Variants in RTL1 observed in about 807,000 individuals in gnomAD.
RTL1 encodes the protein retrotransposon-like protein 1.
For synonymous variants in RTL1, 727 were observed against 748.4 expected, an observed-to-expected ratio of 0.97 and a Z score of 0.47; for missense variants, 1,681 against 1,767.5, an observed-to-expected ratio of 0.95 and a Z score of 0.88.
chr14:100,884,018 C>T lies in RTL1; in HGVS notation c.771G>A (p.Leu257=). ...CTCCGATCAGGGGGCTGTTTTCCTG[C>T]AGTAGAGCTTTGGCCCATTCTAATG... ...GLALEWAKAL[L]QENSPLIGDF... The change falls in exon 4 of 4, where the codon CTG becomes CTA. Residue 257 remains leucine, a synonymous_variant. Coordinates refer to ENST00000649591, the MANE Select transcript of RTL1 (RefSeq NM_001134888.3). The T allele has an allele frequency of 6.4e-7, 1 of 1,551,744 alleles. No homozygotes were observed. The highest frequency in any genetic ancestry group is 8.7e-7 in the Non-Finnish European group (1 of 1,147,006).
At position 100,882,064 on chromosome 14, in the gene RTL1, T is replaced by C. The variant is rs764276895; in HGVS notation, c.2725A>G (p.Asn909Asp). 3 of 1,608,618 alleles carry C rather than the reference T, an allele frequency of 1.9e-6. No homozygotes were observed. Among genetic ancestry groups the C allele is most frequent in the Admixed American group, 3.4e-5 (2 of 58,886 alleles). ...TACTCAACCTCGATAGGGGAGATGT[T>C]GCGGGAGTAGAAAGCGCAGCAGGCT... ...KRACCAFYSR[N>D]ISPIEVEYSQ... The change falls in exon 4 of 4, where the codon AAC (asparagine) becomes GAC (aspartate). Residue 909 changes from asparagine (N) to aspartate (D), a missense_variant. Transcript: ENST00000649591.
rs2038589226 is a variant in RTL1, at chr14:100,880,334, C to T, written c.*378G>A. Among the ~76,000 whole-genome samples the T allele has an allele frequency of 6.6e-6, 1 of 152,046 alleles. No homozygotes were observed. Among genetic ancestry groups the T allele is most frequent in the Admixed American group, 6.5e-5 (1 of 15,270 alleles). On this transcript the variant is annotated 3_prime_UTR_variant, in exon 4 of 4. Transcript: ENST00000649591. Reference sequence around the variant, plus strand: ...GCCATCACCAGGCCGGGTGGGGGGCCCCGTCACCTGCTTGCTTGGCTGCGC... The same window carrying T: ...GCCATCACCAGGCCGGGTGGGGGGCTCCGTCACCTGCTTGCTTGGCTGCGC...
chr14:100,888,587 A>C (rs2038725763), intron 3 of RTL1, among the ~76,000 whole-genome samples: 1 of 152,212 alleles, frequency 6.6e-6, no homozygotes, highest in Non-Finnish European at 1.5e-5. Flanking sequence ...AAAATCTTAC[A>C]GTGTCTCTTA....
chr14:100,885,539 T>C (rs369628161), intron 3 of RTL1, among the ~76,000 whole-genome samples: 46 of 145,494 alleles, frequency 3.2e-4, no homozygotes, highest in Admixed American at 4.8e-4. Context: ...TTTTTTTTTT[T>C]CCATAAATTT....
intron 3 of RTL1, among the ~76,000 whole-genome samples, chr14:100,890,857 C>T (rs780398019): frequency 2.6e-5 from 4 of 152,116 alleles, no homozygotes; most frequent in East Asian, 3.9e-4. Flanking sequence ...GAAGGCACAG[C>T]GTCACAGTGA....
rs367880949 is a variant in RTL1, at chr14:100,893,231, C to T, written c.-87+213G>A. Among the ~76,000 whole-genome samples, 13 of 152,338 alleles carry T rather than the reference C, an allele frequency of 8.5e-5. No homozygotes were observed. The highest frequency in any genetic ancestry group is 3.1e-4 in the African/African-American group (13 of 41,576). ...ATTTGGTGTTCGAGGAGGGACAGGA[C>T]AGCTGGCCCAGGACCTGCTAATTAT... is the stretch of plus-strand genomic sequence containing the variant. On this transcript the variant is annotated intron_variant, in intron 3 of 3. Transcript: ENST00000649591. The surrounding 1 kb of genome is among the most constrained non-coding windows in gnomAD (Gnocchi z 4.2).
intron 2 of RTL1, among the ~76,000 whole-genome samples, chr14:100,901,315 A>G (rs889969989): frequency 2.0e-5 from 3 of 152,228 alleles, no homozygotes; most frequent in Non-Finnish European, 2.9e-5. Flanking sequence ...ACATGCGCGC[A>G]CACACACATG....
chr14:100,888,276 C>T (rs1325497557), intron 3 of RTL1, among the ~76,000 whole-genome samples: 1 of 152,168 alleles, frequency 6.6e-6, no homozygotes, highest in Non-Finnish European at 1.5e-5. Context: ...TGTCTTATAG[C>T]TGTGCCAAAA....
intron 3 of RTL1, among the ~76,000 whole-genome samples, chr14:100,890,912 GATT>G (rs765144385): frequency 2.6e-5 from 4 of 152,104 alleles, no homozygotes; most frequent in African/African-American, 4.8e-5. Flanking sequence ...ATTATTTATC[GATT>G]ATTATTATTA....
chr14:100,881,144 A>G lies in RTL1; in HGVS notation c.3645T>C (p.Arg1215=). 1 of 1,554,168 alleles carries G rather than the reference A, an allele frequency of 6.4e-7. No homozygotes were observed. The change falls in exon 4 of 4, where the codon CGT becomes CGC. Residue 1215 remains arginine, a synonymous_variant. Coordinates refer to ENST00000649591, the MANE Select transcript of RTL1 (RefSeq NM_001134888.3). This position sits in a 1 kb window ranked among gnomAD's most constrained non-coding sequence, Gnocchi z 6.6. ...CGTGCAGCTCCAGGTAGCGGTTCTG[A>G]CGCAGGGCAGGGAGGTGGCCCTCCT... The part of the protein sequence containing the change: ...TPQEGHLPAL[R]QNRYLELHVV...
In RTL1 at chr14:100,890,013, T is replaced by C. The variant is rs562686479; in HGVS notation, c.-87+3431A>G. On this transcript the variant is annotated intron_variant, in intron 3 of 3. Transcript: ENST00000649591. Reference sequence around the variant, plus strand: ...AGCTGTGGCTCAATACATGTTGTTCTCAAATCTCATGACAGTTTCTTTAAG... The same window carrying C: ...AGCTGTGGCTCAATACATGTTGTTCCCAAATCTCATGACAGTTTCTTTAAG... 6.1e-5 allele frequency among the ~76,000 whole-genome samples: 9 copies of C among 148,044 alleles called. No homozygotes were observed. In the South Asian group the frequency reaches 1.1e-3, roughly 18 times the overall value.
chr14:100,880,976 G>A lies in RTL1; in HGVS notation c.3813C>T (p.His1271=), dbSNP rs2038599984. ...GGCGGGGTGGGTGGGTGGCTGCTGTGTGGCTGGGTGGGGCCTCCTGCACGT... is the reference window on the plus strand; with the variant it reads ...GGCGGGGTGGGTGGGTGGCTGCTGTATGGCTGGGTGGGGCCTCCTGCACGT... ...DNDVQEAPPS[H]TAATHPPRPR... is the part of the protein sequence containing the mutation. Residue 1271 remains histidine, a synonymous_variant, in exon 4 of 4, where the codon CAC becomes CAT. Coordinates refer to ENST00000649591, the MANE Select transcript of RTL1 (RefSeq NM_001134888.3). The A allele has an allele frequency of 1.3e-6, 2 of 1,558,420 alleles. No homozygotes were observed.
At chr14:100,903,079 A>C (rs1009721011) in intron 2 of RTL1, among the ~76,000 whole-genome samples, 12 of 152,212 alleles carry the variant, frequency 7.9e-5, no homozygotes, top group Non-Finnish European at 1.0e-4. Context: ...CCACATCTGC[A>C]TTTAATAGAC....
chr14:100,890,779 G>T (rs908333358), intron 3 of RTL1, among the ~76,000 whole-genome samples: 4 of 152,146 alleles, frequency 2.6e-5, no homozygotes, highest in African/African-American at 9.7e-5. Context: ...TAGGAGGGAA[G>T]TGGCCTCAAA....
intron 3 of RTL1, among the ~76,000 whole-genome samples, chr14:100,891,510 C>T (rs1238005097): frequency 6.6e-6 from 1 of 152,226 alleles, no homozygotes; most frequent in Non-Finnish European, 1.5e-5. Context: ...TGCTAAGCCA[C>T]TGAGGTGACA....
chr14:100,882,723 G>A lies in RTL1; in HGVS notation c.2066C>T (p.Ala689Val), dbSNP rs1382380526. Residue 689 changes from alanine to valine, a missense_variant, in exon 4 of 4, where the codon GCG becomes GTG. Physicochemically the swap from Ala to Val is moderately conservative, Grantham distance 64. Coordinates refer to ENST00000649591, the MANE Select transcript of RTL1 (RefSeq NM_001134888.3). ...CATCTCTTCAAGCTCCAAACCAAAC[G>A]CTGCTTTCCACACATCTTCGGTGCG... ...GHRTEDVWKAAFGLELEEMKS... is the reference protein window; with the variant it reads ...GHRTEDVWKAVFGLELEEMKS... 6.4e-7 allele frequency: 1 copy of A among 1,551,846 alleles called. No homozygotes were observed. The highest frequency in any genetic ancestry group is 1.4e-5 in the African/African-American group (1 of 73,032).
At chr14:100,889,115 C>A (rs1356389978) in intron 3 of RTL1, among the ~76,000 whole-genome samples, 1 of 152,198 alleles carries the variant, frequency 6.6e-6, no homozygotes, top group Non-Finnish European at 1.5e-5. Flanking sequence ...AATCCAAACT[C>A]CTTAGCATGA....
chr14:100,896,552 T>G (rs1380707688), intron 2 of RTL1, among the ~76,000 whole-genome samples: 1 of 151,106 alleles, frequency 6.6e-6, no homozygotes, highest in Non-Finnish European at 1.5e-5. Context: ...CAAGAGCCTG[T>G]GACGGCTGCA....
intron 3 of RTL1, among the ~76,000 whole-genome samples, chr14:100,885,240 C>T (rs540780862): frequency 1.3e-5 from 2 of 152,364 alleles, no homozygotes; most frequent in African/African-American, 2.4e-5. Context: ...TGCACCTGGT[C>T]AATCCTCTTT....
Sources: gnomAD v4.1 joint callset for allele counts (sites outside exome capture counted in the v4.1 genomes callset) on GRCh38, gnomAD v4.1.1 for gene constraint, Gnocchi (gnomAD v3.1) non-coding constraint, MANE v1.5 for transcripts, NCBI Gene and HGNC (gene_info 2026-07-23, HGNC 2026-07-21) for gene names.